Variants in ASGR2 observed in about 807,000 individuals in gnomAD.
ASGR2 encodes asialoglycoprotein receptor 2.
ASGR2 carries 34 observed loss-of-function variants against 32.3 expected under a neutral mutation model. The ratio of observed to expected loss-of-function variants is 1.05; its 90% CI spans 0.80 to 1.40. The LOEUF is 1.40. Among genes scored for constraint, ASGR2 ranks in the 40% most tolerant of loss-of-function variants. ASGR2 has a pLI of 0.00. For synonymous variants in ASGR2, 143 were observed against 150.0 expected (o/e 0.95, Z 0.34); for missense variants, 385 against 386.4 (o/e 1.00, Z 0.03).
chr17:7,114,671 C>G lies in ASGR2; in HGVS notation c.-127G>C. 1 of 1,022,236 alleles carries G rather than the reference C, an allele frequency of 9.8e-7. No individual in the cohort carries two copies. The highest frequency in any genetic ancestry group is 5.1e-5 in the Admixed American group (1 of 19,596). 63.3% of individuals were successfully genotyped at this position (1,022,236 alleles called of 1,614,324 possible). On this transcript the variant is annotated 5_prime_UTR_variant, in exon 1 of 9. Coordinates refer to ENST00000691900, the MANE Select transcript of ASGR2 (RefSeq NM_001201352.2). This position sits in a 1 kb window ranked among gnomAD's most constrained non-coding sequence, Gnocchi z 4.5. Reference sequence around the variant, plus strand: ...TCCCGCAGGCAACCCTGGCCTTGGCCAAGGAGGGGTTAAAGCCAGGAGAAC... The same window carrying G: ...TCCCGCAGGCAACCCTGGCCTTGGCGAAGGAGGGGTTAAAGCCAGGAGAAC...
At chr17:7,112,981 C>G (rs1175905244) in intron 2 of ASGR2, among the ~76,000 whole-genome samples, 3 of 152,090 alleles carry the variant, frequency 2.0e-5, no homozygotes. Flanking sequence ...CATAGCAAGA[C>G]CCCATTTCTC....
chr17:7,103,752 G>A (rs1431131718), intron 7 of ASGR2, among the ~76,000 whole-genome samples: 1 of 152,128 alleles, frequency 6.6e-6, no homozygotes, highest in African/African-American at 2.4e-5. Context: ...CCTTGTTTCG[G>A]AATATGAGGG....
At chr17:7,111,480 C>T (rs1463637707) in intron 2 of ASGR2, among the ~76,000 whole-genome samples, 3 of 151,828 alleles carry the variant, frequency 2.0e-5, no homozygotes, top group African/African-American at 4.8e-5. Flanking sequence ...CATGGTGAAA[C>T]CCCATCTCTA....
chr17:7,106,108 G>A (rs1461721713), intron 7 of ASGR2, among the ~76,000 whole-genome samples: 3 of 152,132 alleles, frequency 2.0e-5, no homozygotes, highest in African/African-American at 4.8e-5. Context: ...TTTTAAGGGC[G>A]AGATCCAGGA....
intron 7 of ASGR2, among the ~76,000 whole-genome samples, chr17:7,106,781 G>A (rs1314568476): frequency 1.3e-5 from 2 of 151,996 alleles, no homozygotes; most frequent in Non-Finnish European, 2.9e-5. Context: ...GCACGTGCCT[G>A]TAATCCCAGC....
intron 7 of ASGR2, among the ~76,000 whole-genome samples, chr17:7,104,363 A>AC (rs1011747527): frequency 2.7e-5 from 4 of 150,570 alleles, no homozygotes; most frequent in African/African-American, 9.8e-5. Flanking sequence ...AAAAAAAAAA[A>AC]AAAAAAAGCC....
Position 7,107,235 on chromosome 17 carries a change from G to A in ASGR2, c.492C>T (p.Ser164=), listed in dbSNP as rs940489134. The part of the protein sequence containing the change: ...FVACQMELLH[S]NGSQRTCCPV... Reference sequence around the variant, plus strand: ...TGGAGACGGCCCCACCCCTACCGTTGCTGTGGAGGAGCTCCATCTGGCAGG... The same window carrying A: ...TGGAGACGGCCCCACCCCTACCGTTACTGTGGAGGAGCTCCATCTGGCAGG... The change falls in exon 6 of 9, where the codon AGC becomes AGT. Residue 164 remains serine, a synonymous_variant. Transcript: ENST00000691900. This position sits in a 1 kb window ranked among gnomAD's most constrained non-coding sequence, Gnocchi z 5.0. 1 of 1,614,142 alleles carries A rather than the reference G, an allele frequency of 6.2e-7. No individual in the cohort carries two copies. The highest frequency in any genetic ancestry group is 8.5e-7 in the Non-Finnish European group (1 of 1,180,026).
At chr17:7,104,874 A>G (rs1288238373) in intron 7 of ASGR2, among the ~76,000 whole-genome samples, 1 of 151,078 alleles carries the variant, frequency 6.6e-6, no homozygotes, top group Non-Finnish European at 1.5e-5. Flanking sequence ...TACTCGGGAT[A>G]CTAAGACAGG....
chr17:7,102,077 A>C lies in ASGR2; in HGVS notation c.755+13T>G. ...AGAAATCTAACAAGGAGATGAGGGA[A>C]GAGGCCACTTACTTGTAGTTGTGCC... is the stretch of plus-strand genomic sequence containing the variant. On this transcript the variant is annotated intron_variant, in intron 8 of 8. Transcript: ENST00000691900. 1 of 1,607,756 alleles carries C rather than the reference A, an allele frequency of 6.2e-7. No individual in the cohort carries two copies. The highest frequency in any genetic ancestry group is 1.3e-5 in the African/African-American group (1 of 74,906).
Position 7,108,885 on chromosome 17 carries a change from G to T in ASGR2, c.128C>A (p.Pro43Gln). 1 of 1,574,996 alleles carries T rather than the reference G, an allele frequency of 6.3e-7. No homozygotes were observed. The highest frequency in any genetic ancestry group is 8.6e-7 in the Non-Finnish European group (1 of 1,160,870). The change falls in exon 3 of 9, where the codon CCA becomes CAA. Residue 43 changes from proline to glutamine, a missense_variant. Physicochemically the swap from Pro to Gln is moderately conservative, Grantham distance 76. Coordinates refer to ENST00000691900, the MANE Select transcript of ASGR2 (RefSeq NM_001201352.2). The surrounding 1 kb of genome is among the most constrained non-coding windows in gnomAD (Gnocchi z 4.9). ...CTGTGCCAGGGGCTGGGCAGGAGGT[G>T]GCCCTGTGGGAGAGGGGCATCAGGA... ...PRRGNPFLKG[P>Q]PPAQPLAQRL...
intron 2 of ASGR2, among the ~76,000 whole-genome samples, chr17:7,109,698 T>A (rs892287126): frequency 2.6e-5 from 4 of 151,332 alleles, no homozygotes; most frequent in Non-Finnish European, 5.9e-5. Context: ...TCACACACAC[T>A]CACACACTCA....
intron 7 of ASGR2, among the ~76,000 whole-genome samples, chr17:7,104,362 A>AAAAC (rs1913310840): frequency 6.6e-6 from 1 of 150,742 alleles, no homozygotes; most frequent in Non-Finnish European, 1.5e-5. Context: ...AAAAAAAAAA[A>AAAAC]AAAAAAAAGC....
At chr17:7,102,450 G>C (rs1388205480) in intron 7 of ASGR2, among the ~76,000 whole-genome samples, 1 of 152,226 alleles carries the variant, frequency 6.6e-6, no homozygotes, top group East Asian at 1.9e-4. Flanking sequence ...AGCTCTCTAA[G>C]ATGGGCACTG....
intron 7 of ASGR2, 125 bp from the exon 8 acceptor site, chr17:7,102,321 G>A (rs1435018917): frequency 3.9e-5 from 30 of 770,738 alleles, no homozygotes; most frequent in Non-Finnish European, 2.3e-6. Flanking sequence ...TGAAGCACCA[G>A]CTCCCGACAA....
chr17:7,101,336 T>C lies in ASGR2; in HGVS notation c.*239A>G, dbSNP rs117631064. The C allele has an allele frequency of 2.4e-4, 116 of 482,658 alleles. No homozygotes were observed. In the East Asian group the frequency reaches 3.9e-3, roughly 16 times the overall value. 29.9% of individuals were successfully genotyped at this position (482,658 alleles called of 1,614,324 possible). ...CAGGCCACACAGAGATTCAAGCATT[T>C]GTTTCTTCTTTCCTACGCCATTGAA... On this transcript the variant is annotated 3_prime_UTR_variant, in exon 9 of 9. Coordinates refer to ENST00000691900, the MANE Select transcript of ASGR2 (RefSeq NM_001201352.2).
rs1404017769 is a variant in ASGR2, at chr17:7,108,784, T to C, written c.229A>G (p.Thr77Ala). 6.2e-7 allele frequency: 1 copy of C among 1,613,880 alleles called. No homozygotes were observed. The highest frequency in any genetic ancestry group is 1.3e-5 in the African/African-American group (1 of 74,874). ...NILLLVVICV[T>A]GSQSAQLQAE... ...CCGTGACCCTCACTTTGGGACCCAG[T>C]CACACAGATGACCACCAGCAGCAGG... The change falls in exon 3 of 9, where the codon ACT (threonine) becomes GCT (alanine). Residue 77 changes from threonine to alanine, a missense_variant. Coordinates refer to ENST00000691900, the MANE Select transcript of ASGR2 (RefSeq NM_001201352.2). The surrounding 1 kb of genome is among the most constrained non-coding windows in gnomAD (Gnocchi z 4.9).
chr17:7,113,544 A>AT lies in ASGR2; in HGVS notation c.124+572_124+573insA, dbSNP rs1194197596. Among the ~76,000 whole-genome samples the AT allele has an allele frequency of 1.1e-5, 1 of 89,660 alleles. No homozygotes were observed. Among genetic ancestry groups the AT allele is most frequent in the Non-Finnish European group, 2.5e-5 (1 of 40,434 alleles). 58.8% of individuals were successfully genotyped at this position (89,660 alleles called of 152,430 possible). The stretch of plus-strand genomic sequence containing the variant: ...ACACAACATACACACACTCATACAC[A>AT]ACATACATACACACAACATACACAC... On this transcript the variant is annotated intron_variant, in intron 2 of 8. Coordinates refer to ENST00000691900, the MANE Select transcript of ASGR2 (RefSeq NM_001201352.2). The surrounding 1 kb of genome is among the most constrained non-coding windows in gnomAD (Gnocchi z 5.1).
rs934090327 is a variant in ASGR2 at position 7,113,604 on chromosome 17, G to A, written c.124+513C>T. On this transcript the variant is annotated intron_variant, in intron 2 of 8. Transcript: ENST00000691900. This position sits in a 1 kb window ranked among gnomAD's most constrained non-coding sequence, Gnocchi z 5.1. ...ACACTCACATACACAACATACACTC[G>A]CACAACATACACACATGCACAAGAT... Among the ~76,000 whole-genome samples the A allele has an allele frequency of 4.2e-5, 6 of 144,250 alleles. No homozygotes were observed. The highest frequency in any genetic ancestry group is 6.0e-5 in the Non-Finnish European group (4 of 66,368). 94.6% of individuals were successfully genotyped at this position (144,250 alleles called of 152,430 possible).
chr17:7,103,947 C>T (rs1913217845), intron 7 of ASGR2, among the ~76,000 whole-genome samples: 1 of 150,342 alleles, frequency 6.7e-6, no homozygotes, highest in South Asian at 2.1e-4. Context: ...AGAACAGTTT[C>T]TTTACATGCT....
Sources: gnomAD v4.1 joint callset for allele counts (sites outside exome capture counted in the v4.1 genomes callset) on GRCh38, gnomAD v4.1.1 for gene constraint, Gnocchi (gnomAD v3.1) non-coding constraint, MANE v1.5 for transcripts, NCBI Gene and HGNC (gene_info 2026-07-23, HGNC 2026-07-21) for gene names.